RAB9B: variants seen among roughly 807,000 people sequenced by gnomAD.
RAB9B encodes the protein ras-related protein Rab-9B.
In RAB9B, 1 loss-of-function variant was observed where a neutral mutation model predicts 8.9. That is an observed-to-expected ratio of 0.11 (90% CI 0.04 to 0.53). The LOEUF is 0.53. Ranked by LOEUF, RAB9B falls within the 20% of genes least tolerant of loss-of-function variation. The probability of loss-of-function intolerance (pLI) is 0.93; values close to 1 mark genes in which losing one functional copy is unlikely to be tolerated. For synonymous variants in RAB9B, 63 were observed against 57.0 expected (o/e 1.10, Z -0.47); for missense variants, 82 against 152.9 (o/e 0.54, Z 2.45).
intron 1 of RAB9B, among the ~76,000 whole-genome samples, chrX:103,828,836 G>A (rs1185122175): frequency 8.9e-6 from 1 of 112,086 alleles, no homozygotes; most frequent in Non-Finnish European, 1.9e-5. Context: ...AAGAGGAAAA[G>A]CAATGTGGTT....
the RAB9B span, among the ~76,000 whole-genome samples, chrX:103,799,256 G>A: frequency 9.7e-6 from 1 of 102,643 alleles, no homozygotes; most frequent in African/African-American, 3.7e-5. Flanking sequence ...AGCTGATGAA[G>A]GTATCTCCGC....
chrX:103,823,656 G>T lies in RAB9B; in HGVS notation c.*1523C>A, dbSNP rs1378377693. On this transcript the variant is annotated 3_prime_UTR_variant, in exon 3 of 3. Transcript: ENST00000243298. ...CAGATCAACCAACAAGAACCACACT[G>T]CATATTCATAATATAGTATATAACT... is the stretch of plus-strand genomic sequence containing the variant. 1 of 112,035 alleles carries T rather than the reference G, an allele frequency of 8.9e-6. No individual in the cohort carries two copies. Among genetic ancestry groups the T allele is most frequent in the Non-Finnish European group, 1.9e-5 (1 of 53,218 alleles). The allele number at this position is 112,035 out of a possible 1,213,427, so 9.2% of individuals were successfully genotyped here. A position where few individuals can be genotyped will look rare whatever the true frequency, so the allele number is the denominator to read the frequency against.
At chrX:103,789,553 A>G in the RAB9B span, among the ~76,000 whole-genome samples, 1 of 111,936 alleles carries the variant, frequency 8.9e-6, no homozygotes, top group East Asian at 2.8e-4. Flanking sequence ...CCGTACTTCT[A>G]CTTGCATTGG....
the RAB9B span, among the ~76,000 whole-genome samples, chrX:103,815,293 A>G: frequency 8.9e-6 from 1 of 112,627 alleles, no homozygotes; most frequent in Non-Finnish European, 1.9e-5. Flanking sequence ...CAACATACAC[A>G]TATCAATAAA....
the RAB9B span, among the ~76,000 whole-genome samples, chrX:103,798,350 T>C: frequency 3.4e-3 from 383 of 112,138 alleles, 2 homozygotes; most frequent in African/African-American, 0.012. Flanking sequence ...ATTATTAATA[T>C]TTTAGTGAGA....
At chrX:103,819,727 C>T (rs1413232540), downstream of RAB9B, among the ~76,000 whole-genome samples, 3 of 111,691 alleles carry the variant, frequency 2.7e-5, no homozygotes, top group Non-Finnish European at 5.6e-5. Flanking sequence ...TGTCATTATC[C>T]CTTCCTTCTC....
the RAB9B span, among the ~76,000 whole-genome samples, chrX:103,808,583 T>C: frequency 8.9e-6 from 1 of 112,598 alleles, no homozygotes; most frequent in South Asian, 3.7e-4. Context: ...CCACCCCTCG[T>C]TTTCTCTGCA....
chrX:103,804,875 C>T, the RAB9B span, among the ~76,000 whole-genome samples: 1 of 109,941 alleles, frequency 9.1e-6, no homozygotes, highest in Non-Finnish European at 1.9e-5. Context: ...TCCCGCTGAA[C>T]TCATTTATTA....
At chrX:103,808,437 G>A in the RAB9B span, among the ~76,000 whole-genome samples, 7 of 112,344 alleles carry the variant, frequency 6.2e-5, no homozygotes, top group African/African-American at 2.3e-4. Context: ...TGTCAGGTCT[G>A]TCTTTCTGGA....
At chrX:103,806,161 T>A in the RAB9B span, among the ~76,000 whole-genome samples, 1 of 110,902 alleles carries the variant, frequency 9.0e-6, no homozygotes, top group African/African-American at 3.3e-5. Context: ...TACTCTTCTT[T>A]TCCTAGTTTT....
At chrX:103,814,966 G>A in the RAB9B span, among the ~76,000 whole-genome samples, 1 of 111,656 alleles carries the variant, frequency 9.0e-6, no homozygotes, top group Non-Finnish European at 1.9e-5. Context: ...CCAAAAAAAA[G>A]TCCAGGACTA....
the RAB9B span, among the ~76,000 whole-genome samples, chrX:103,796,099 A>G: frequency 0.27 from 30,189 of 111,240 alleles, 3,121 homozygotes; most frequent in Admixed American, 0.34. Flanking sequence ...AGCGGGTTAC[A>G]ACTACTTTAA....
the RAB9B span, among the ~76,000 whole-genome samples, chrX:103,794,148 G>T: frequency 9.0e-6 from 1 of 111,629 alleles, no homozygotes. Flanking sequence ...GGTCTTCCAC[G>T]GTAAACTGGA....
the RAB9B span, among the ~76,000 whole-genome samples, chrX:103,817,268 G>T: frequency 9.0e-6 from 1 of 111,454 alleles, no homozygotes; most frequent in Non-Finnish European, 1.9e-5. Context: ...GGATGAGTTT[G>T]TGTCCTCTTG....
At chrX:103,785,767 G>A in the RAB9B span, 1 of 1,199,995 alleles carries the variant, frequency 8.3e-7, no homozygotes, top group Non-Finnish European at 1.1e-6. Flanking sequence ...TCTCATCAAT[G>A]TGTAAGTACC....
chrX:103,825,551 C>T lies in RAB9B; in HGVS notation c.234G>A (p.Arg78=). The T allele has an allele frequency of 1.7e-6, 2 of 1,211,796 alleles. No individual in the cohort carries two copies. The highest frequency in any genetic ancestry group is 2.2e-6 in the Non-Finnish European group (2 of 895,533). Residue 78 remains arginine, a synonymous_variant, in exon 3 of 3, where the codon AGG becomes AGA. Coordinates refer to ENST00000243298, the MANE Select transcript of RAB9B (RefSeq NM_016370.4). ...RFKSLRTPFY[R]GADCCLLTFS... The stretch of plus-strand genomic sequence containing the variant: ...AGGTCAAGAGGCAGCAGTCTGCTCC[C>T]CTGTAGAAGGGTGTCCTAAGGCTCT...
chrX:103,820,323 A>G (rs2074654543), downstream of RAB9B, among the ~76,000 whole-genome samples: 1 of 112,223 alleles, frequency 8.9e-6, no homozygotes, highest in Non-Finnish European at 1.9e-5. Flanking sequence ...AGAGAAAAAA[A>G]GTGAAATGAT....
chrX:103,801,196 A>T, the RAB9B span, among the ~76,000 whole-genome samples: 1 of 110,780 alleles, frequency 9.0e-6, no homozygotes, highest in African/African-American at 3.3e-5. Flanking sequence ...CCTCCTCCAC[A>T]GTGTTCCAGC....
At chrX:103,781,657 G>C in the RAB9B span, among the ~76,000 whole-genome samples, 1 of 112,202 alleles carries the variant, frequency 8.9e-6, no homozygotes, top group Admixed American at 9.4e-5. Context: ...CTTAATTCTT[G>C]TACTGAATTC....
Sources: gnomAD v4.1 joint callset for allele counts (sites outside exome capture counted in the v4.1 genomes callset) on GRCh38, gnomAD v4.1.1 for gene constraint, MANE v1.5 for transcripts, NCBI Gene and HGNC (gene_info 2026-07-23, HGNC 2026-07-21) for gene names.